JADE3: variants seen among roughly 807,000 people sequenced by gnomAD.
JADE3 encodes jade family PHD finger 3.
Under a neutral mutation model 50.1 loss-of-function variants are expected in JADE3, and 2 were observed. The ratio of observed to expected loss-of-function variants is 0.04; its 90% CI spans 0.02 to 0.13. JADE3 has a LOEUF of 0.13. Among genes scored for constraint, JADE3 ranks in the 10% least tolerant of loss-of-function variants. JADE3 has a pLI of 1.00. For synonymous variants in JADE3, 218 were observed against 232.9 expected, an observed-to-expected ratio of 0.94 and a Z score of 0.58; for missense variants, 475 against 634.4, an observed-to-expected ratio of 0.75 and a Z score of 2.70.
At chrX:46,956,346 G>A (rs782665746) in intron 1 of JADE3, among the ~76,000 whole-genome samples, 2 of 111,214 alleles carry the variant, frequency 1.8e-5, no homozygotes, top group Non-Finnish European at 3.8e-5. Context: ...ATTACAGGCT[G>A]AGCCACCGCG....
At chrX:47,011,672 T>A (rs1556361688) in intron 4 of JADE3, among the ~76,000 whole-genome samples, 1 of 112,080 alleles carries the variant, frequency 8.9e-6, no homozygotes, top group Non-Finnish European at 1.9e-5. Context: ...AAGGTTACAT[T>A]TTCTCCACAT....
intron 8 of JADE3, among the ~76,000 whole-genome samples, chrX:47,051,995 A>G (rs1929518244): frequency 9.3e-6 from 1 of 107,253 alleles, no homozygotes; most frequent in South Asian, 4.2e-4. Flanking sequence ...TCACAAGGCT[A>G]AGGTGGGAGG....
intron 3 of JADE3, among the ~76,000 whole-genome samples, chrX:46,986,507 A>G (rs1346273036): frequency 8.9e-6 from 1 of 112,653 alleles, no homozygotes; most frequent in African/African-American, 3.2e-5. Context: ...CAGGAAGTCA[A>G]AGAGAGCCAG....
intron 1 of JADE3, among the ~76,000 whole-genome samples, chrX:46,973,198 A>C (rs148490011): frequency 3.3e-4 from 37 of 112,429 alleles, no homozygotes; most frequent in African/African-American, 1.1e-3. Context: ...GGTGACAGAG[A>C]TAATTGTGGT....
chrX:46,992,190 C>T (rs1384330169), intron 3 of JADE3, among the ~76,000 whole-genome samples: 2 of 111,060 alleles, frequency 1.8e-5, no homozygotes, highest in South Asian at 3.9e-4. Context: ...GATACCCTTC[C>T]CCTGCAGATG....
chrX:46,970,939 A>T (rs967056530), intron 1 of JADE3, among the ~76,000 whole-genome samples: 1 of 110,682 alleles, frequency 9.0e-6, no homozygotes, highest in Non-Finnish European at 1.9e-5. Flanking sequence ...TTGAGTTTCT[A>T]TCTGGAGAAA....
chrX:46,980,095 G>A (rs1470083788), intron 1 of JADE3, among the ~76,000 whole-genome samples: 1 of 108,819 alleles, frequency 9.2e-6, no homozygotes, highest in African/African-American at 3.3e-5. Flanking sequence ...GGCCAGGCTG[G>A]TCTCGAACTC....
chrX:47,024,238 C>A (rs1928859185), intron 4 of JADE3, among the ~76,000 whole-genome samples: 1 of 112,201 alleles, frequency 8.9e-6, no homozygotes, highest in Admixed American at 9.4e-5. Flanking sequence ...AATCCCAACA[C>A]TTTAGGAGGC....
intron 3 of JADE3, among the ~76,000 whole-genome samples, chrX:46,997,644 C>T (rs1928161910): frequency 8.9e-6 from 1 of 111,988 alleles, no homozygotes; most frequent in Non-Finnish European, 1.9e-5. Flanking sequence ...GGTAATTGAA[C>T]TCTGGTTATA....
Position 47,024,801 on chromosome X carries a change from C to T in JADE3, c.362C>T (p.Thr121Ile), listed in dbSNP as rs1928873456. The T allele has an allele frequency of 8.4e-7, 1 of 1,193,757 alleles. No individual in the cohort carries two copies. ...KYIHCSSPDT[T>I]EPGYINIMEL... ...ATTCACTGCTCCAGCCCAGACACCA[C>T]AGAGCCTGGCTACATCAACATCATG... Residue 121 changes from threonine to isoleucine, a missense_variant, in exon 5 of 11, where the codon ACA becomes ATA. By Grantham distance (89) the Thr-to-Ile change is moderately conservative. Coordinates refer to ENST00000614628, the MANE Select transcript of JADE3 (RefSeq NM_014735.5).
intron 8 of JADE3, among the ~76,000 whole-genome samples, chrX:47,048,031 A>G (rs1365633787): frequency 9.0e-6 from 1 of 111,709 alleles, no homozygotes; most frequent in East Asian, 2.8e-4. Flanking sequence ...TAATACACAT[A>G]GAGTATTGCT....
chrX:46,990,338 G>T (rs59376260), intron 3 of JADE3, among the ~76,000 whole-genome samples: 3,331 of 111,537 alleles, frequency 0.03, 143 homozygotes, highest in African/African-American at 0.1. Flanking sequence ...CCAGGCAAGT[G>T]GGGAAGAGGG....
intron 6 of JADE3, among the ~76,000 whole-genome samples, chrX:47,031,979 A>G (rs868910121): frequency 8.9e-6 from 1 of 112,053 alleles, no homozygotes; most frequent in African/African-American, 3.2e-5. Context: ...AAGGGGCTAC[A>G]GTGACCTGAG....
intron 8 of JADE3, 85 bp from the exon 9 acceptor site, chrX:47,054,073 A>G: frequency 1.6e-6 from 1 of 619,188 alleles, no homozygotes; most frequent in Non-Finnish European, 2.5e-6. Flanking sequence ...TTTGCTTCCT[A>G]CAAGCTATCA....
intron 1 of JADE3, among the ~76,000 whole-genome samples, chrX:46,913,655 T>G (rs375083047): frequency 9.0e-6 from 1 of 110,596 alleles, no homozygotes; most frequent in East Asian, 2.8e-4. Flanking sequence ...AGTGCTTCGG[T>G]GGAGTCTAGC....
At chrX:47,024,690 G>T (rs782572140) in intron 4 of JADE3, 34 bp from the exon 5 acceptor site, 1 of 984,677 alleles carries the variant, frequency 1.0e-6, no homozygotes, top group Admixed American at 2.4e-5. Context: ...GTCATTTGTT[G>T]ATTGTTATCA....
intron 3 of JADE3, among the ~76,000 whole-genome samples, chrX:46,991,892 C>T (rs923759858): frequency 7.2e-5 from 8 of 110,849 alleles, no homozygotes; most frequent in African/African-American, 2.6e-4. Flanking sequence ...GGGCAGTATT[C>T]GCTAATCTTC....
chrX:47,040,833 A>G (rs1556369444), intron 8 of JADE3, among the ~76,000 whole-genome samples: 1 of 111,078 alleles, frequency 9.0e-6, no homozygotes, highest in Non-Finnish European at 1.9e-5. Flanking sequence ...ACCTGGGATT[A>G]GCTATTCTTC....
chrX:46,999,908 G>A (rs1188577152), intron 4 of JADE3, among the ~76,000 whole-genome samples: 2 of 111,477 alleles, frequency 1.8e-5, no homozygotes, highest in African/African-American at 6.5e-5. Flanking sequence ...AAAGGGGCTA[G>A]TGGGACCTAC....
Sources: gnomAD v4.1 joint callset for allele counts (sites outside exome capture counted in the v4.1 genomes callset) on GRCh38, gnomAD v4.1.1 for gene constraint, MANE v1.5 for transcripts, NCBI Gene and HGNC (gene_info 2026-07-23, HGNC 2026-07-21) for gene names.